Variants in PHF14 observed in about 807,000 individuals in gnomAD.
PHF14 encodes PHD finger protein 14.
Under a neutral mutation model 117.9 loss-of-function variants are expected in PHF14, and 55 were observed. That is an observed-to-expected ratio of 0.47 (90% CI 0.38 to 0.58). PHF14 has a LOEUF of 0.58. Among genes scored for constraint, PHF14 ranks in the 20% least tolerant of loss-of-function variants. The probability of loss-of-function intolerance (pLI) is 0.00; values close to 1 mark genes in which losing one functional copy is unlikely to be tolerated. For missense variants in PHF14, 978 were observed against 1,122.2 expected, an observed-to-expected ratio of 0.87 and a Z score of 1.84; for synonymous variants, 409 against 368.6, an observed-to-expected ratio of 1.11 and a Z score of -1.26.
chr7:11,047,660 A>T (rs1335549032), intron 13 of PHF14, among the ~76,000 whole-genome samples: 1 of 150,590 alleles, frequency 6.6e-6, no homozygotes, highest in Non-Finnish European at 1.5e-5. Flanking sequence ...GGTGATGGGG[A>T]TTCGTAATCC....
chr7:11,063,576 T>C (rs189902187), intron 16 of PHF14: 17 of 968,914 alleles, frequency 1.8e-5, no homozygotes, highest in Non-Finnish European at 2.1e-5. Flanking sequence ...CCTGTATGAG[T>C]ATCTACTGTG....
At chr7:10,991,740 T>A (rs1404200124) in intron 4 of PHF14, among the ~76,000 whole-genome samples, 4 of 134,060 alleles carry the variant, frequency 3.0e-5, no homozygotes, top group Non-Finnish European at 4.6e-5. Context: ...TTGTTTTTTT[T>A]TAATTTTTTA....
intron 17 of PHF14, among the ~76,000 whole-genome samples, chr7:11,148,227 C>T (rs985633840): frequency 6.6e-6 from 1 of 152,282 alleles, no homozygotes. Context: ...AACCCAAAAG[C>T]AAATCATATT....
At chr7:11,040,643 A>T (rs1163917192) in intron 11 of PHF14, 29 bp from the exon 12 acceptor site, 3 of 1,217,240 alleles carry the variant, frequency 2.5e-6, no homozygotes, top group South Asian at 3.1e-5. Flanking sequence ...TCTTAAAACA[A>T]TATATACTAC....
rs145164192 is a variant in PHF14 at position 11,148,668 on chromosome 7, C to T, written c.2773-20748C>T. ...ATACGCTGTTGTTCACCACTATTAC[C>T]CCATCTCCTAGAACAGAACCTGACA... On this transcript the variant is annotated intron_variant, in intron 17 of 17. Transcript: ENST00000634607. Among the ~76,000 whole-genome samples, 85 of 152,274 alleles carry T rather than the reference C, an allele frequency of 5.6e-4. 2 individuals are homozygous for T. In the East Asian group the frequency reaches 0.01, roughly 18 times the overall value.
At chr7:11,157,639 T>C (rs191247741) in intron 17 of PHF14, among the ~76,000 whole-genome samples, 1 of 152,168 alleles carries the variant, frequency 6.6e-6, no homozygotes, top group African/African-American at 2.4e-5. Context: ...TCATATTACA[T>C]TTTTACCATA....
At chr7:10,990,681 T>C (rs1287221853) in intron 3 of PHF14, 22 bp from the exon 4 acceptor site, 1 of 1,397,182 alleles carries the variant, frequency 7.2e-7, no homozygotes, top group Non-Finnish European at 9.7e-7. Context: ...TTTTCTGATA[T>C]ATGTTAATAT....
intron 11 of PHF14, among the ~76,000 whole-genome samples, chr7:11,039,656 T>C (rs1164814194): frequency 6.6e-6 from 1 of 152,224 alleles, no homozygotes; most frequent in African/African-American, 2.4e-5. Flanking sequence ...TAGAGGTTTA[T>C]GGAGAGTCAA....
At chr7:11,088,805 C>T (rs978759755) in intron 16 of PHF14, among the ~76,000 whole-genome samples, 1 of 151,852 alleles carries the variant, frequency 6.6e-6, no homozygotes, top group Admixed American at 6.6e-5. Context: ...TAAACTATAA[C>T]AAATCAGTAT....
At chr7:11,058,133 G>A (rs10280227) in intron 14 of PHF14, among the ~76,000 whole-genome samples, 2,099 of 152,148 alleles carry the variant, frequency 0.014, 44 homozygotes, top group African/African-American at 0.048. Flanking sequence ...AGTAGTTTCA[G>A]CCTCAAAATA....
chr7:11,056,140 C>T (rs184512802), intron 14 of PHF14, among the ~76,000 whole-genome samples: 13 of 151,780 alleles, frequency 8.6e-5, no homozygotes, highest in African/African-American at 3.1e-4. Context: ...CTCACTTTGG[C>T]TACTTGGAAG....
intron 10 of PHF14, 42 bp downstream of exon 10, chr7:11,037,133 T>C: frequency 1.4e-6 from 2 of 1,425,136 alleles, no homozygotes; most frequent in Non-Finnish European, 1.9e-6. Flanking sequence ...TGATAGATCT[T>C]ACTGATGATT....
intron 17 of PHF14, among the ~76,000 whole-genome samples, chr7:11,116,759 G>C (rs1787612599): frequency 6.6e-6 from 1 of 151,870 alleles, no homozygotes; most frequent in African/African-American, 2.4e-5. Context: ...TTTATGAGCA[G>C]TTAGGAATAA....
intron 16 of PHF14, among the ~76,000 whole-genome samples, chr7:11,089,654 T>A (rs1306852080): frequency 2.0e-5 from 3 of 152,194 alleles, no homozygotes; most frequent in Non-Finnish European, 2.9e-5. Context: ...AGCAAAGTAT[T>A]ATGAGTAGAA....
intron 13 of PHF14, 104 bp from the exon 14 acceptor site, chr7:11,051,508 T>C: frequency 1.1e-6 from 1 of 875,244 alleles, no homozygotes; most frequent in Non-Finnish European, 1.7e-6. Context: ...GTGTATATTT[T>C]TATATATTAT....
intron 14 of PHF14, among the ~76,000 whole-genome samples, chr7:11,057,830 T>C (rs1343361441): frequency 6.6e-6 from 1 of 152,152 alleles, no homozygotes; most frequent in East Asian, 1.9e-4. Context: ...AGCAAGGTGA[T>C]TTAAGCAGCT....
chr7:11,097,136 T>C lies in PHF14; in HGVS notation c.2655-14214T>C, dbSNP rs1161745974. 2.0e-5 allele frequency among the ~76,000 whole-genome samples: 3 copies of C among 151,908 alleles called. No homozygotes were observed. In the East Asian group the frequency reaches 5.8e-4, roughly 30 times the overall value. On this transcript the variant is annotated intron_variant, in intron 16 of 17. Transcript: ENST00000634607. Reference sequence around the variant, plus strand: ...CTGGGATTACAGGCATGCACCACCATGCCCGGCTAATTTTATATTTGTAGT... The same window carrying C: ...CTGGGATTACAGGCATGCACCACCACGCCCGGCTAATTTTATATTTGTAGT...
rs142752347 is a variant in PHF14, at chr7:11,128,323, A to T, written c.2772+16856A>T. Among the ~76,000 whole-genome samples the T allele has an allele frequency of 3.4e-3, 521 of 152,110 alleles. 5 individuals carry two copies. Among genetic ancestry groups the T allele is most frequent in the African/African-American group, 9.9e-3 (410 of 41,530 alleles). On this transcript the variant is annotated intron_variant, in intron 17 of 17. Coordinates refer to ENST00000634607, the MANE Select transcript of PHF14 (RefSeq NM_001007157.2). ...ATGATCTTGTCTCTTATTTTCACTG[A>T]GGAAAGGGGGGTGATATTTTTATCT... is the stretch of plus-strand genomic sequence containing the variant.
chr7:11,023,060 T>TC, intron 6 of PHF14, 81 bp downstream of exon 6: 1 of 655,652 alleles, frequency 1.5e-6, no homozygotes, highest in Non-Finnish European at 2.6e-6. Context: ...TTGTATTATG[T>TC]TGACTGCAGA....
Sources: gnomAD v4.1 joint callset for allele counts (sites outside exome capture counted in the v4.1 genomes callset) on GRCh38, gnomAD v4.1.1 for gene constraint, MANE v1.5 for transcripts, NCBI Gene and HGNC (gene_info 2026-07-23, HGNC 2026-07-21) for gene names.